Variants in CSRNP3 observed in about 807,000 individuals in gnomAD.
CSRNP3 encodes cysteine and serine rich nuclear protein 3, also known as cysteine/serine-rich nuclear protein 3.
Under a neutral mutation model 48.0 loss-of-function variants are expected in CSRNP3, and 12 were observed. That is an observed-to-expected ratio of 0.25 (90% CI 0.16 to 0.41). The LOEUF (loss-of-function observed/expected upper bound fraction) is 0.41. CSRNP3 is among the 10% of genes least tolerant of loss of function. The probability of loss-of-function intolerance (pLI) is 1.00; values close to 1 mark genes in which losing one functional copy is unlikely to be tolerated. For missense variants in CSRNP3, 580 were observed against 724.4 expected (o/e 0.80, Z 2.29); for synonymous variants, 263 against 269.7 (o/e 0.98, Z 0.24).
At chr2:165,601,946 G>A (rs1431721214) in intron 4 of CSRNP3, among the ~76,000 whole-genome samples, 1 of 152,170 alleles carries the variant, frequency 6.6e-6, no homozygotes, top group East Asian at 1.9e-4. Context: ...GGTATCTTAT[G>A]TTACAGGCTC....
intron 5 of CSRNP3, among the ~76,000 whole-genome samples, chr2:165,664,401 T>A (rs1687145534): frequency 6.6e-6 from 1 of 152,196 alleles, no homozygotes; most frequent in Non-Finnish European, 1.5e-5. Flanking sequence ...GCTTTAATTG[T>A]TAGAAAGCTC....
intron 3 of CSRNP3, among the ~76,000 whole-genome samples, chr2:165,526,739 G>A (rs1684736650): frequency 6.6e-6 from 1 of 152,134 alleles, no homozygotes; most frequent in South Asian, 2.1e-4. Context: ...CTGGCACATT[G>A]TAAACACTCA....
At chr2:165,549,012 C>CTTT (rs5836044) in intron 3 of CSRNP3, among the ~76,000 whole-genome samples, 6 of 143,236 alleles carry the variant, frequency 4.2e-5, no homozygotes, top group East Asian at 2.0e-4. Flanking sequence ...GAGGTAATGT[C>CTTT]TTTTTTTTTT....
At chr2:165,521,771 C>A (rs888238822) in intron 3 of CSRNP3, among the ~76,000 whole-genome samples, 1 of 152,112 alleles carries the variant, frequency 6.6e-6, no homozygotes, top group South Asian at 2.1e-4. Context: ...CAATGTAGGG[C>A]GTTTAGCAGC....
intron 3 of CSRNP3, among the ~76,000 whole-genome samples, chr2:165,550,134 T>C (rs1241581107): frequency 6.6e-6 from 1 of 152,164 alleles, no homozygotes; most frequent in Non-Finnish European, 1.5e-5. Flanking sequence ...TCATTGTTAA[T>C]GATTTGAGGA....
intron 4 of CSRNP3, among the ~76,000 whole-genome samples, chr2:165,615,744 AT>A (rs542899696): frequency 1.3e-5 from 2 of 149,400 alleles, no homozygotes; most frequent in East Asian, 2.0e-4. Context: ...TTATTTATTT[AT>A]TTTTTTTGAG....
chr2:165,641,745 C>G (rs1476213671), intron 4 of CSRNP3, among the ~76,000 whole-genome samples: 1 of 152,048 alleles, frequency 6.6e-6, no homozygotes, highest in East Asian at 1.9e-4. Flanking sequence ...TACTGAGAAC[C>G]AAGGTTTGGA....
chr2:165,677,520 G>GT (rs1284544376), intron 6 of CSRNP3, among the ~76,000 whole-genome samples: 1 of 151,084 alleles, frequency 6.6e-6, no homozygotes, highest in Non-Finnish European at 1.5e-5. Flanking sequence ...GTAGTCAAAA[G>GT]AAGAGGGCAG....
chr2:165,656,238 G>C (rs1286086388), intron 4 of CSRNP3, among the ~76,000 whole-genome samples: 1 of 152,074 alleles, frequency 6.6e-6, no homozygotes, highest in Non-Finnish European at 1.5e-5. Flanking sequence ...TACAGACCTG[G>C]GTTACTTCAA....
At chr2:165,599,326 A>AAAGAAAGAAAGAAAGAAAGG (rs1335844953) in intron 4 of CSRNP3, among the ~76,000 whole-genome samples, 1 of 150,960 alleles carries the variant, frequency 6.6e-6, no homozygotes, top group African/African-American at 2.4e-5. Context: ...AGAAAGAAAG[A>AAAGAAAGAAAGAAAGAAAGG]AAGGAAAAGA....
rs142196207 is a variant in CSRNP3, at chr2:165,556,072, A to G, written c.-24+38111A>G. 7.5e-3 allele frequency among the ~76,000 whole-genome samples: 1,139 copies of G among 152,274 alleles called. 10 individuals are homozygous for G. Among genetic ancestry groups the G allele is most frequent in the African/African-American group, 0.026 (1,062 of 41,554 alleles). On this transcript the variant is annotated intron_variant, in intron 3 of 6. Coordinates refer to ENST00000651982, the MANE Select transcript of CSRNP3 (RefSeq NM_001172173.2). ...GGGCACCAATGACTAGACCGGTGCC[A>G]TGGTCTCTTTAGGGGAAGACAGCAG...
At chr2:165,617,852 T>C (rs1686276565) in intron 4 of CSRNP3, among the ~76,000 whole-genome samples, 1 of 152,138 alleles carries the variant, frequency 6.6e-6, no homozygotes, top group Non-Finnish European at 1.5e-5. Flanking sequence ...CTGCATAGGC[T>C]TGGGTGCTGG....
intron 1 of CSRNP3, among the ~76,000 whole-genome samples, chr2:165,491,956 A>AAAAAC (rs1462857079): frequency 2.0e-5 from 3 of 151,380 alleles, no homozygotes; most frequent in Non-Finnish European, 4.4e-5. Context: ...ATAATAAAAA[A>AAAAAC]AAAAAAAAAA....
chr2:165,683,552 A>G lies in CSRNP3; in HGVS notation c.*3799A>G, dbSNP rs913764721. 2 of 152,038 alleles carry G rather than the reference A, an allele frequency of 1.3e-5. No individual in the cohort carries two copies. Among genetic ancestry groups the G allele is most frequent in the Non-Finnish European group, 2.9e-5 (2 of 67,968 alleles). 9.4% of individuals were successfully genotyped at this position (152,038 alleles called of 1,614,324 possible). A position where few individuals can be genotyped will look rare whatever the true frequency, so the allele number is the denominator to read the frequency against. On this transcript the variant is annotated 3_prime_UTR_variant, in exon 7 of 7. Transcript: ENST00000651982. ...ATTTACTTTCTATAACTTGCTAATC[A>G]CTGTTTCTTTTATTTCAATTTTTGA...
chr2:165,596,425 A>G (rs745407130), intron 4 of CSRNP3, among the ~76,000 whole-genome samples: 1 of 152,128 alleles, frequency 6.6e-6, no homozygotes, highest in African/African-American at 2.4e-5. Flanking sequence ...TTGGCAATGT[A>G]GCAACTCAAA....
chr2:165,538,278 C>T (rs1463577926), intron 3 of CSRNP3, among the ~76,000 whole-genome samples: 1 of 151,932 alleles, frequency 6.6e-6, no homozygotes, highest in Non-Finnish European at 1.5e-5. Flanking sequence ...ATTATTACTA[C>T]TACATACCAC....
intron 5 of CSRNP3, among the ~76,000 whole-genome samples, chr2:165,674,445 C>A (rs1279487320): frequency 2.0e-5 from 3 of 151,688 alleles, no homozygotes; most frequent in Non-Finnish European, 2.9e-5. Context: ...AAACGACAAA[C>A]ACAACCAGTC....
intron 3 of CSRNP3, among the ~76,000 whole-genome samples, chr2:165,573,507 C>A (rs1207408779): frequency 6.6e-6 from 1 of 152,162 alleles, no homozygotes. Flanking sequence ...AATAATAGCA[C>A]AACACTGAAT....
At chr2:165,605,306 C>T (rs986346794) in intron 4 of CSRNP3, among the ~76,000 whole-genome samples, 1 of 152,046 alleles carries the variant, frequency 6.6e-6, no homozygotes, top group African/African-American at 2.4e-5. Context: ...TTTCCTTACC[C>T]TAAAATTCTG....
Sources: allele counts gnomAD v4.1 joint callset (sites outside exome capture counted in the v4.1 genomes callset), GRCh38; gene constraint gnomAD v4.1.1; transcripts MANE v1.5; gene names NCBI Gene and HGNC (gene_info 2026-07-23, HGNC 2026-07-21).